The following SNX13 variants were observed in gnomAD, a reference collection of about 807,000 sequenced individuals.
SNX13 encodes the protein sorting nexin-13.
Under a neutral mutation model 133.6 loss-of-function variants are expected in SNX13, and 45 were observed. That is an observed-to-expected ratio of 0.34 (90% CI 0.27 to 0.43). SNX13 has a LOEUF of 0.43. Among genes scored for constraint, SNX13 ranks in the 20% least tolerant of loss-of-function variants. The pLI is 1.00. For synonymous variants in SNX13, 414 were observed against 373.9 expected, an observed-to-expected ratio of 1.11 and a Z score of -1.24; for missense variants, 1,032 against 1,145.1, an observed-to-expected ratio of 0.90 and a Z score of 1.43.
At chr7:17,805,342 G>C (rs1333438018) in intron 20 of SNX13, among the ~76,000 whole-genome samples, 3 of 151,226 alleles carry the variant, frequency 2.0e-5, no homozygotes, top group Non-Finnish European at 4.4e-5. Flanking sequence ...CAAATCAATC[G>C]GGACATTATT....
intron 1 of SNX13, among the ~76,000 whole-genome samples, chr7:17,922,027 C>CA (rs1394463425): frequency 3.9e-5 from 6 of 152,208 alleles, no homozygotes; most frequent in Admixed American, 3.3e-4. Flanking sequence ...CCCTCATTTA[C>CA]ATAACCCACT....
Position 17,821,584 on chromosome 7 carries a change from T to C in SNX13, c.1770A>G (p.Leu590=), listed in dbSNP as rs148741204. The change falls in exon 18 of 26, where the codon CTA becomes CTG. Residue 590 remains leucine, a synonymous_variant. Coordinates refer to ENST00000428135, the MANE Select transcript of SNX13 (RefSeq NM_015132.5). ...LYAITVHRRN[L]NSEEMWKTYR... The stretch of plus-strand genomic sequence containing the variant: ...AGGTTTTCCACATCTCCTCACTGTT[T>C]AGGTTGCGCCGGTGTACAGTGATGG... 8.9e-4 allele frequency: 1,437 copies of C among 1,613,698 alleles called. 17 individuals are homozygous for C. The African/African-American group carries it at 0.017, about 19-fold the overall frequency.
intron 1 of SNX13, among the ~76,000 whole-genome samples, chr7:17,936,946 G>A (rs1802113600): frequency 6.8e-6 from 1 of 147,562 alleles, no homozygotes; most frequent in Non-Finnish European, 1.5e-5. Context: ...AGTCACATTA[G>A]AAGCAGGAAG....
chr7:17,861,222 T>C (rs1792632085), intron 9 of SNX13, among the ~76,000 whole-genome samples: 1 of 152,032 alleles, frequency 6.6e-6, no homozygotes, highest in Admixed American at 6.6e-5. Flanking sequence ...CAATAGGGAC[T>C]GCATTCTTGT....
chr7:17,834,318 T>A, intron 14 of SNX13, 134 bp from the exon 15 acceptor site: 1 of 744,158 alleles, frequency 1.3e-6, no homozygotes, highest in Non-Finnish European at 2.0e-6. Context: ...GCAATAAGAC[T>A]ATTTCACAAC....
At chr7:17,912,317 C>T (rs1799069448) in intron 1 of SNX13, among the ~76,000 whole-genome samples, 1 of 152,094 alleles carries the variant, frequency 6.6e-6, no homozygotes. Flanking sequence ...CTCCCAAACA[C>T]TGACACTAAA....
intron 1 of SNX13, among the ~76,000 whole-genome samples, chr7:17,919,639 C>G (rs571819956): frequency 6.6e-6 from 1 of 152,194 alleles, no homozygotes; most frequent in Admixed American, 6.5e-5. Flanking sequence ...ATAACAAATA[C>G]CCGAGTTTTA....
At chr7:17,798,971 G>A (rs1463578849) in intron 23 of SNX13, 38 bp downstream of exon 23, 1 of 1,586,224 alleles carries the variant, frequency 6.3e-7, no homozygotes, top group Non-Finnish European at 8.6e-7. Context: ...TAATAGCTAA[G>A]TAAGATCAGA....
intron 16 of SNX13, among the ~76,000 whole-genome samples, chr7:17,827,910 T>C (rs983400260): frequency 4.0e-5 from 6 of 151,854 alleles, no homozygotes; most frequent in South Asian, 2.1e-4. Context: ...TCATATTATC[T>C]ACTATAACTT....
chr7:17,911,464 C>T (rs1798969858), intron 1 of SNX13, among the ~76,000 whole-genome samples: 1 of 151,984 alleles, frequency 6.6e-6, no homozygotes, highest in East Asian at 1.9e-4. Context: ...CATGGTGAAA[C>T]CCCGCCTCTA....
chr7:17,901,163 T>A (rs761587773), intron 1 of SNX13, among the ~76,000 whole-genome samples: 4 of 152,128 alleles, frequency 2.6e-5, no homozygotes, highest in Admixed American at 6.5e-5. Flanking sequence ...TGGTGCCCTG[T>A]CCTACTGTGG....
At chr7:17,927,651 A>G (rs559510618) in intron 1 of SNX13, among the ~76,000 whole-genome samples, 1 of 152,268 alleles carries the variant, frequency 6.6e-6, no homozygotes, top group African/African-American at 2.4e-5. Context: ...CCAAAATAAA[A>G]TTTATTATTT....
intron 9 of SNX13, among the ~76,000 whole-genome samples, chr7:17,853,371 T>C (rs1166307466): frequency 6.6e-6 from 1 of 152,158 alleles, no homozygotes; most frequent in East Asian, 1.9e-4. Context: ...GAAAAGGTAA[T>C]AGACTTCGGA....
At chr7:17,850,121 A>C (rs1228934560) in intron 11 of SNX13, among the ~76,000 whole-genome samples, 1 of 152,242 alleles carries the variant, frequency 6.6e-6, no homozygotes, top group Non-Finnish European at 1.5e-5. Flanking sequence ...GGAATAAAAT[A>C]AAATCTTCAA....
intron 12 of SNX13, among the ~76,000 whole-genome samples, chr7:17,844,263 G>T: frequency 6.6e-6 from 1 of 151,900 alleles, no homozygotes; most frequent in East Asian, 1.9e-4. Flanking sequence ...AAAACTAAAA[G>T]TACTATGAAC....
chr7:17,871,598 G>C (rs776165177), intron 8 of SNX13, among the ~76,000 whole-genome samples: 12 of 152,080 alleles, frequency 7.9e-5, no homozygotes, highest in Non-Finnish European at 1.6e-4. Context: ...ATCCCATCCT[G>C]CTTTCAACAA....
Position 17,897,432 on chromosome 7 carries a change from T to C in SNX13, c.27A>G (p.Ile9Met). Residue 9 changes from isoleucine to methionine, a missense_variant, in exon 2 of 26, where the codon ATA becomes ATG. Coordinates refer to ENST00000428135, the MANE Select transcript of SNX13 (RefSeq NM_015132.5). ...CAATGCCAAGGCTTCCCCATCCCCATATGGATAGACTGGCCTGAAATACAG... is the reference window on the plus strand; with the variant it reads ...CAATGCCAAGGCTTCCCCATCCCCACATGGATAGACTGGCCTGAAATACAG... MLTEASLSIWGWGSLGIVL... is the reference protein window; with the variant it reads MLTEASLSMWGWGSLGIVL... 6.3e-7 allele frequency: 1 copy of C among 1,589,182 alleles called. No homozygotes were observed.
At chr7:17,795,006 A>G (rs1483575420) in intron 25 of SNX13, 1 of 151,686 alleles carries the variant, frequency 6.6e-6, no homozygotes, top group Admixed American at 6.6e-5. Flanking sequence ...AGGTGCAATG[A>G]GATGAAGGAT....
intron 1 of SNX13, among the ~76,000 whole-genome samples, chr7:17,916,077 T>C (rs184417783): frequency 1.2e-3 from 185 of 152,018 alleles, no homozygotes; most frequent in Admixed American, 5.4e-3. Context: ...ACAAGAAAAT[T>C]ATGACAGAAA....
Sources: gnomAD v4.1 joint callset for allele counts (sites outside exome capture counted in the v4.1 genomes callset) on GRCh38, gnomAD v4.1.1 for gene constraint, MANE v1.5 for transcripts, NCBI Gene and HGNC (gene_info 2026-07-23, HGNC 2026-07-21) for gene names.